ERO1A: variants seen among roughly 807,000 people sequenced by gnomAD.
ERO1A encodes the protein endoplasmic reticulum oxidoreductase 1 alpha, also known as ERO1-like protein alpha.
ERO1A carries 49 observed loss-of-function variants against 76.9 expected under a neutral mutation model. The ratio of observed to expected loss-of-function variants is 0.64; its 90% CI spans 0.51 to 0.81. ERO1A has a LOEUF of 0.81. Ranked by LOEUF, ERO1A falls within the 30% of genes least tolerant of loss-of-function variation. The probability of loss-of-function intolerance (pLI) is 0.00; values close to 1 mark genes in which losing one functional copy is unlikely to be tolerated. For missense variants in ERO1A, 448 were observed against 542.1 expected (o/e 0.83, Z 1.72); for synonymous variants, 174 against 181.2 (o/e 0.96, Z 0.32).
intron 7 of ERO1A, among the ~76,000 whole-genome samples, chr14:52,664,895 G>A (rs1462620564): frequency 2.0e-5 from 3 of 151,962 alleles, no homozygotes; most frequent in Admixed American, 6.6e-5. Context: ...GTTTCACCGC[G>A]TTAGTGAGGA....
chr14:52,692,604 A>G (rs561446065), intron 1 of ERO1A, among the ~76,000 whole-genome samples: 2 of 152,346 alleles, frequency 1.3e-5, no homozygotes, highest in African/African-American at 4.8e-5. Context: ...AGTTTCTAGC[A>G]ATATTTCCTA....
rs1262783764 is a variant in ERO1A at position 52,686,571 on chromosome 14, GATTGGTA to G, written c.115-2671_115-2665del. ...GGGAAAGAAGGCAGGATAAATGGTA[GATTGGTA>G]GATTTTAAAATGTTCTTGGCCGGGC... On this transcript the variant is annotated intron_variant, in intron 1 of 15. Coordinates refer to ENST00000395686, the MANE Select transcript of ERO1A (RefSeq NM_014584.3). 1.1e-4 allele frequency among the ~76,000 whole-genome samples: 12 copies of G among 110,944 alleles called. No homozygotes were observed. The East Asian group carries it at 2.5e-3, about 23-fold the overall frequency. The allele number at this position is 110,944 out of a possible 152,430, so 72.8% of individuals were successfully genotyped here.
At chr14:52,662,871 C>G (rs994586906) in intron 8 of ERO1A, among the ~76,000 whole-genome samples, 3 of 152,150 alleles carry the variant, frequency 2.0e-5, no homozygotes, top group South Asian at 4.1e-4. Context: ...AAATGCTACC[C>G]ATATGGCAGA....
chr14:52,646,480 G>C lies in ERO1A; in HGVS notation c.1126-19C>G. Reference sequence around the variant, plus strand: ...AGTCCTCCTGAAAACAATTTAACAAGATTTTATTAAGATGTAATATACAGT... The same window carrying C: ...AGTCCTCCTGAAAACAATTTAACAACATTTTATTAAGATGTAATATACAGT... On this transcript the variant is annotated intron_variant, in intron 13 of 15. Transcript: ENST00000395686. 1 of 1,567,806 alleles carries C rather than the reference G, an allele frequency of 6.4e-7. No individual in the cohort carries two copies. Among genetic ancestry groups the C allele is most frequent in the Non-Finnish European group, 8.7e-7 (1 of 1,144,900 alleles).
At chr14:52,668,469 C>T (rs1452874158) in intron 6 of ERO1A, among the ~76,000 whole-genome samples, 2 of 151,760 alleles carry the variant, frequency 1.3e-5, no homozygotes, top group East Asian at 3.9e-4. Flanking sequence ...CGCTTGAACC[C>T]GGGAGACAGA....
chr14:52,654,335 T>A lies in ERO1A; in HGVS notation c.809-1020A>T, dbSNP rs182365414. Among the ~76,000 whole-genome samples the A allele has an allele frequency of 5.6e-4, 86 of 152,298 alleles. 1 individual carries two copies. The highest frequency in any genetic ancestry group is 1.4e-3 in the African/African-American group (57 of 41,594). ...GCACACAAAACAATTTTTAGATGTA[T>A]TTCCAAAATTGTGTATTACATTTCA... is the stretch of plus-strand genomic sequence containing the variant. On this transcript the variant is annotated intron_variant, in intron 11 of 15. Coordinates refer to ENST00000395686, the MANE Select transcript of ERO1A (RefSeq NM_014584.3).
At chr14:52,677,152 TA>T (rs887527961) in intron 4 of ERO1A, among the ~76,000 whole-genome samples, 8 of 151,892 alleles carry the variant, frequency 5.3e-5, no homozygotes, top group African/African-American at 1.7e-4. Flanking sequence ...TCTCATGTTT[TA>T]AAAAAAATCA....
chr14:52,643,528 G>T lies in ERO1A; in HGVS notation c.*42C>A. The T allele has an allele frequency of 7.7e-7, 1 of 1,297,206 alleles. No individual in the cohort carries two copies. Among genetic ancestry groups the T allele is most frequent in the Non-Finnish European group, 1.0e-6 (1 of 959,834 alleles). 80.4% of individuals were successfully genotyped at this position (1,297,206 alleles called of 1,614,324 possible). A position where few individuals can be genotyped will look rare whatever the true frequency, so the allele number is the denominator to read the frequency against. ...CCTTTGAATGAAATTCCACTCTTTC[G>T]CCTCCATTGTCCAGAAACAGGCACA... On this transcript the variant is annotated 3_prime_UTR_variant, in exon 16 of 16. Transcript: ENST00000395686.
intron 6 of ERO1A, among the ~76,000 whole-genome samples, chr14:52,667,009 T>C (rs2040436304): frequency 6.6e-6 from 1 of 152,096 alleles, no homozygotes. Flanking sequence ...AACATTATGA[T>C]TTAGGAATTG....
chr14:52,646,403 AAAC>A lies in ERO1A; in HGVS notation c.1181_1183del (p.Cys394del), dbSNP rs1484605905. The A allele has an allele frequency of 3.7e-6, 6 of 1,613,610 alleles. No homozygotes were observed. Among genetic ancestry groups the A allele is most frequent in the Non-Finnish European group, 5.1e-6 (6 of 1,179,818 alleles). The stretch of plus-strand genomic sequence containing the variant: ...AAGCTTTCCCCACAGACGACATTTA[AAAC>A]AACCAACACAATCCATAATTCTTGA... On this transcript the variant is annotated inframe_deletion, in exon 14 of 16. Transcript: ENST00000395686.
chr14:52,668,759 CAA>C (rs2040499345), intron 6 of ERO1A, among the ~76,000 whole-genome samples: 2 of 147,790 alleles, frequency 1.4e-5, no homozygotes. Flanking sequence ...TATTATATTA[CAA>C]ATCTTATAAT....
In ERO1A at chr14:52,652,173, C is replaced by T. The variant is rs1355157047; in HGVS notation, c.1125+66G>A. The T allele has an allele frequency of 4.1e-5, 41 of 1,003,954 alleles. 1 individual carries two copies. In the East Asian group the frequency reaches 4.8e-4, roughly 12 times the overall value. 62.2% of individuals were successfully genotyped at this position (1,003,954 alleles called of 1,614,324 possible). On this transcript the variant is annotated intron_variant, in intron 13 of 15. Transcript: ENST00000395686. Reference sequence around the variant, plus strand: ...GGCCTACTCTCTACTTCTATGAGTACTATATATTCATATCTGCATAAGTGT... The same window carrying T: ...GGCCTACTCTCTACTTCTATGAGTATTATATATTCATATCTGCATAAGTGT...
At chr14:52,685,044 A>C (rs1049556320) in intron 1 of ERO1A, among the ~76,000 whole-genome samples, 1 of 152,164 alleles carries the variant, frequency 6.6e-6, no homozygotes, top group African/African-American at 2.4e-5. Flanking sequence ...TTTTAGGAAG[A>C]TCTATAGCCT....
chr14:52,646,402 A>G lies in ERO1A; in HGVS notation c.1185T>C (p.Phe395=), dbSNP rs146578543. The G allele has an allele frequency of 6.8e-6, 11 of 1,613,480 alleles. No individual in the cohort carries two copies. In the African/African-American group the frequency reaches 1.1e-4, roughly 16 times the overall value. The change falls in exon 14 of 16, where the codon TTT becomes TTC. Residue 395 remains phenylalanine (F), a synonymous_variant. Coordinates refer to ENST00000395686, the MANE Select transcript of ERO1A (RefSeq NM_014584.3). ...GAAGCTTTCCCCACAGACGACATTTAAAACAACCAACACAATCCATAATTC... is the reference window on the plus strand; with the variant it reads ...GAAGCTTTCCCCACAGACGACATTTGAAACAACCAACACAATCCATAATTC... ...ISRIMDCVGC[F]KCRLWGKLQT...
intron 12 of ERO1A, 105 bp downstream of exon 12, chr14:52,652,964 C>T (rs150650570): frequency 0.022 from 16,870 of 778,562 alleles, 281 homozygotes; most frequent in Middle Eastern, 0.065. Context: ...CACTGCACTC[C>T]AGCCTGGGCA....
intron 15 of ERO1A, among the ~76,000 whole-genome samples, chr14:52,644,586 C>T (rs1414254201): frequency 2.0e-5 from 3 of 151,862 alleles, no homozygotes; most frequent in African/African-American, 7.3e-5. Context: ...TAAAAGTATT[C>T]GTATGCTTAA....
chr14:52,641,127 T>G lies in ERO1A; in HGVS notation c.*2443A>C, dbSNP rs193110029. 6.6e-6 allele frequency: 1 copy of G among 152,208 alleles called. No individual in the cohort carries two copies. 9.4% of individuals were successfully genotyped at this position (152,208 alleles called of 1,614,324 possible). A position where few individuals can be genotyped will look rare whatever the true frequency, so the allele number is the denominator to read the frequency against. On this transcript the variant is annotated 3_prime_UTR_variant, in exon 16 of 16. Transcript: ENST00000395686. Reference sequence around the variant, plus strand: ...TTTAAAGTAGGGGTTGTCAAAAATGTCAAATACAGAAAAAAAGTCAAGTAC... The same window carrying G: ...TTTAAAGTAGGGGTTGTCAAAAATGGCAAATACAGAAAAAAAGTCAAGTAC...
At chr14:52,663,766 G>A (rs755705336) in intron 8 of ERO1A, 35 bp downstream of exon 8, 22 of 1,318,164 alleles carry the variant, frequency 1.7e-5, no homozygotes, top group Non-Finnish European at 2.4e-5. Flanking sequence ...TTCCCTGGCT[G>A]AGAAATAATA....
At chr14:52,682,196 C>T (rs2041017431) in intron 3 of ERO1A, 129 bp downstream of exon 3, 2 of 666,370 alleles carry the variant, frequency 3.0e-6, no homozygotes, top group Non-Finnish European at 5.0e-6. Flanking sequence ...AAATTCAAGA[C>T]CAACCTGGGC....
Sources: allele counts gnomAD v4.1 joint callset (sites outside exome capture counted in the v4.1 genomes callset), GRCh38; gene constraint gnomAD v4.1.1; transcripts MANE v1.5; gene names NCBI Gene and HGNC (gene_info 2026-07-23, HGNC 2026-07-21).